MCF2L2: variants seen among roughly 807,000 people sequenced by gnomAD.
The protein encoded by MCF2L2 is MCF.2 cell line derived transforming sequence-like 2, also known as probable guanine nucleotide exchange factor MCF2L2.
A neutral mutation model predicts 150.2 loss-of-function variants in MCF2L2; 102 were observed. The ratio of observed to expected loss-of-function variants is 0.68; its 90% CI spans 0.58 to 0.80. MCF2L2 has a LOEUF of 0.80. Ranked by LOEUF, MCF2L2 falls within the 30% of genes least tolerant of loss-of-function variation. MCF2L2 has a pLI of 0.00. For missense variants in MCF2L2, 1,256 were observed against 1,372.8 expected, an observed-to-expected ratio of 0.91 and a Z score of 1.34; for synonymous variants, 465 against 491.3, an observed-to-expected ratio of 0.95 and a Z score of 0.71.
chr3:183,329,467 GTGAGCCACCATGTTTGGCTGCAGCTTTA>G (rs1730180689), intron 5 of MCF2L2, among the ~76,000 whole-genome samples: 1 of 152,240 alleles, frequency 6.6e-6, no homozygotes, highest in African/African-American at 2.4e-5. Context: ...GATTACAGGT[GTGAGCCACCATGTTTGGCTGCAGCTTTA>G]TCCTTAATCA....
chr3:183,334,082 GA>G (rs1345803296), intron 5 of MCF2L2, among the ~76,000 whole-genome samples: 16 of 152,028 alleles, frequency 1.1e-4, no homozygotes, highest in African/African-American at 3.4e-4. Flanking sequence ...GAATGGCAAT[GA>G]ATGACAAACC....
chr3:183,200,632 A>G (rs1722245393), intron 25 of MCF2L2, among the ~76,000 whole-genome samples: 1 of 152,118 alleles, frequency 6.6e-6, no homozygotes, highest in South Asian at 2.1e-4. Context: ...GTTTAATTAG[A>G]TCCCACTTGT....
intron 7 of MCF2L2, among the ~76,000 whole-genome samples, chr3:183,316,796 C>T (rs1420481867): frequency 6.6e-6 from 1 of 152,046 alleles, no homozygotes; most frequent in Non-Finnish European, 1.5e-5. Context: ...ACCTCTGCCT[C>T]CCAGCTTCAA....
chr3:183,255,806 G>GT (rs1233732613), intron 15 of MCF2L2, among the ~76,000 whole-genome samples: 3 of 136,878 alleles, frequency 2.2e-5, no homozygotes, highest in Middle Eastern at 3.6e-3. Flanking sequence ...TGGTGAGATT[G>GT]TAAAAAAAAA....
intron 3 of MCF2L2, among the ~76,000 whole-genome samples, chr3:183,370,883 G>A (rs971390987): frequency 6.6e-6 from 1 of 152,170 alleles, no homozygotes; most frequent in Non-Finnish European, 1.5e-5. Context: ...TAGCCTCTCT[G>A]GTATCCTCCC....
intron 5 of MCF2L2, among the ~76,000 whole-genome samples, chr3:183,326,077 T>C (rs1283941843): frequency 6.6e-6 from 1 of 152,042 alleles, no homozygotes; most frequent in Non-Finnish European, 1.5e-5. Flanking sequence ...CAAAACTTAA[T>C]AAAATTGCAG....
At chr3:183,298,205 T>C (rs1409715053) in intron 11 of MCF2L2, 2 of 152,220 alleles carry the variant, frequency 1.3e-5, no homozygotes, top group African/African-American at 4.8e-5. Flanking sequence ...TCATTTTCTT[T>C]GCTCTTTTGA....
chr3:183,382,645 T>C (rs1411530592), intron 2 of MCF2L2, among the ~76,000 whole-genome samples: 1 of 152,196 alleles, frequency 6.6e-6, no homozygotes, highest in African/African-American at 2.4e-5. Flanking sequence ...CAAAGTCCAG[T>C]GCATTCCTTG....
In MCF2L2 at chr3:183,227,944, CTACTT is replaced by C; in HGVS notation, c.2115+348_2115+352del. On this transcript the variant is annotated intron_variant, in intron 18 of 29. Coordinates refer to ENST00000328913, the MANE Select transcript of MCF2L2 (RefSeq NM_015078.4). The surrounding 1 kb of genome is among the most constrained non-coding windows in gnomAD (Gnocchi z 4.0). The stretch of plus-strand genomic sequence containing the variant: ...TTTGTACCCTGTGACCAACATCTCC[CTACTT>C]CCTCTAGACTCCAGCCCCTGGCAAC... 1 of 190,572 alleles carries C rather than the reference CTACTT, an allele frequency of 5.2e-6. No individual in the cohort carries two copies. 11.8% of individuals were successfully genotyped at this position (190,572 alleles called of 1,614,324 possible).
intron 6 of MCF2L2, among the ~76,000 whole-genome samples, chr3:183,318,923 G>T (rs1049139948): frequency 1.3e-5 from 2 of 152,200 alleles, no homozygotes; most frequent in Admixed American, 6.5e-5. Context: ...CCTCAATGTG[G>T]ATGGCTGCTG....
chr3:183,289,190 T>C lies in MCF2L2; in HGVS notation c.1706A>G (p.Glu569Gly), dbSNP rs1335205029. 1 of 1,613,728 alleles carries C rather than the reference T, an allele frequency of 6.2e-7. No individual in the cohort carries two copies. The highest frequency in any genetic ancestry group is 1.3e-5 in the African/African-American group (1 of 74,942). Reference protein sequence around the residue: ...VPLARPLRTSEEPYTETELNS... With the variant: ...VPLARPLRTSGEPYTETELNS... Reference sequence around the variant, plus strand: ...CAACTCTGTCTCCGTATAAGGTTCCTCAGACGTTCTCAGAGGACGAGCTAG... The same window carrying C: ...CAACTCTGTCTCCGTATAAGGTTCCCCAGACGTTCTCAGAGGACGAGCTAG... The change falls in exon 14 of 30, where the codon GAG becomes GGG. Residue 569 changes from glutamate (E) to glycine (G), a missense_variant. Transcript: ENST00000328913.
In MCF2L2 at chr3:183,311,098, T is replaced by TG; in HGVS notation, c.879-70dup. The TG allele has an allele frequency of 9.1e-6, 8 of 877,770 alleles. No individual in the cohort carries two copies. In the South Asian group the frequency reaches 1.2e-4, roughly 13 times the overall value. 54.4% of individuals were successfully genotyped at this position (877,770 alleles called of 1,614,324 possible). On this transcript the variant is annotated intron_variant, in intron 8 of 29. Transcript: ENST00000328913. The stretch of plus-strand genomic sequence containing the variant: ...TTCCACAGGCATCCATATAGGCCTA[T>TG]GGCTAGAACACCTGTGTCTTCGGTC...
At chr3:183,206,028 C>T in intron 24 of MCF2L2, 74 bp from the exon 25 acceptor site, 1 of 1,549,224 alleles carries the variant, frequency 6.5e-7, no homozygotes, top group Non-Finnish European at 8.9e-7. Context: ...CTCCCAGTGA[C>T]CGTTAGACTA....
chr3:183,263,725 C>T (rs1384676271), intron 15 of MCF2L2, among the ~76,000 whole-genome samples: 4 of 152,142 alleles, frequency 2.6e-5, no homozygotes, highest in East Asian at 1.9e-4. Context: ...TCCATCGCCT[C>T]GAACTCAATG....
chr3:183,332,599 G>A (rs10937123), intron 5 of MCF2L2, among the ~76,000 whole-genome samples: 20,242 of 152,082 alleles, frequency 0.13, 2,069 homozygotes, highest in East Asian at 0.3. Context: ...GGAAATACGC[G>A]TGACATTTGG....
At chr3:183,348,909 C>A (rs1731005756) in intron 3 of MCF2L2, among the ~76,000 whole-genome samples, 1 of 152,164 alleles carries the variant, frequency 6.6e-6, no homozygotes, top group Non-Finnish European at 1.5e-5. Flanking sequence ...GATAAATCCA[C>A]AAAGTTTGAG....
chr3:183,180,075 A>G lies in MCF2L2; in HGVS notation c.3101T>C (p.Leu1034Pro), dbSNP rs1721465828. 6.2e-7 allele frequency: 1 copy of G among 1,612,586 alleles called. No individual in the cohort carries two copies. Among genetic ancestry groups the G allele is most frequent in the African/African-American group, 1.3e-5 (1 of 74,916 alleles). The change falls in exon 28 of 30, where the codon CTG (leucine) becomes CCG (proline). Residue 1034 changes from leucine (L) to proline (P), a missense_variant. By Grantham distance (98) the Leu-to-Pro change is moderately conservative. Transcript: ENST00000328913. ...AAACAAAAGGGAAGTAATTACACTCAGAGCACTGCTCTCCTTTTCCATGTC... is the reference window on the plus strand; with the variant it reads ...AAACAAAAGGGAAGTAATTACACTCGGAGCACTGCTCTCCTTTTCCATGTC... Reference protein sequence around the residue: ...AEDMEKESSALSLAGLFQSDD... With the variant: ...AEDMEKESSAPSLAGLFQSDD...
chr3:183,228,157 AT>A, intron 18 of MCF2L2, 139 bp downstream of exon 18: 1 of 634,828 alleles, frequency 1.6e-6, no homozygotes. Flanking sequence ...TTATTTACCA[AT>A]TATACTTCAG....
At chr3:183,183,701 A>C (rs1430526880) in intron 27 of MCF2L2, among the ~76,000 whole-genome samples, 1 of 152,208 alleles carries the variant, frequency 6.6e-6, no homozygotes, top group Non-Finnish European at 1.5e-5. Flanking sequence ...TGCCTGGTAC[A>C]TCATAGGAAT....
Sources: allele counts gnomAD v4.1 joint callset (sites outside exome capture counted in the v4.1 genomes callset), GRCh38; gene constraint gnomAD v4.1.1; non-coding constraint Gnocchi (gnomAD v3.1); transcripts MANE v1.5; gene names NCBI Gene and HGNC (gene_info 2026-07-23, HGNC 2026-07-21).